The following STK4 variants were observed in gnomAD, a reference collection of about 807,000 sequenced individuals.
STK4 encodes the protein serine/threonine-protein kinase 4.
A neutral mutation model predicts 64.9 loss-of-function variants in STK4; 30 were observed. That is an observed-to-expected ratio of 0.46 (90% CI 0.35 to 0.63). The LOEUF (loss-of-function observed/expected upper bound fraction) is 0.63. Among genes scored for constraint, STK4 ranks in the 20% least tolerant of loss-of-function variants. The pLI is 0.01. For synonymous variants in STK4, 177 were observed against 199.0 expected (o/e 0.89, Z 0.93); for missense variants, 466 against 598.5 (o/e 0.78, Z 2.31).
intron 10 of STK4, among the ~76,000 whole-genome samples, chr20:45,053,635 GT>G (rs1321645980): frequency 6.6e-6 from 1 of 152,148 alleles, no homozygotes; most frequent in East Asian, 1.9e-4. Flanking sequence ...GTAAGCACAG[GT>G]GACAGATGGG....
chr20:45,040,633 CT>C (rs11476443), intron 10 of STK4, among the ~76,000 whole-genome samples: 37,097 of 142,372 alleles, frequency 0.26, 5,116 homozygotes, highest in Middle Eastern at 0.44. Context: ...GGAAACAGAC[CT>C]TTTTTTTTTT....
chr20:45,007,528 C>T (rs1332583055), intron 9 of STK4, among the ~76,000 whole-genome samples: 1 of 151,216 alleles, frequency 6.6e-6, no homozygotes, highest in Non-Finnish European at 1.5e-5. Flanking sequence ...GCCCGGGTGA[C>T]AGAGCGAGAC....
chr20:44,997,522 AC>A (rs1795152959), intron 7 of STK4, among the ~76,000 whole-genome samples: 1 of 152,170 alleles, frequency 6.6e-6, no homozygotes, highest in Non-Finnish European at 1.5e-5. Context: ...CCATGTCTCT[AC>A]AAAAAGAATG....
In STK4 at chr20:44,978,703, T is replaced by C. The variant is rs527956519; in HGVS notation, c.245+132T>C. Reference sequence around the variant, plus strand: ...GAGAATTCGATGGAATCACTGTGCATTTTCTTTTCAGAAAAAAATATGATG... The same window carrying C: ...GAGAATTCGATGGAATCACTGTGCACTTTCTTTTCAGAAAAAAATATGATG... On this transcript the variant is annotated intron_variant, in intron 3 of 10. Transcript: ENST00000372806. 4.7e-6 allele frequency: 5 copies of C among 1,063,644 alleles called. No individual in the cohort carries two copies. In the African/African-American group the frequency reaches 8.2e-5, roughly 17 times the overall value. 65.9% of individuals were successfully genotyped at this position (1,063,644 alleles called of 1,614,324 possible).
intron 5 of STK4, among the ~76,000 whole-genome samples, chr20:44,988,372 G>A (rs929655213): frequency 2.6e-4 from 40 of 151,202 alleles, no homozygotes; most frequent in Non-Finnish European, 4.6e-4. Context: ...AACATTAGCC[G>A]GACATGGTAG....
chr20:45,073,734 C>T (rs181761536), intron 10 of STK4, among the ~76,000 whole-genome samples: 1 of 152,310 alleles, frequency 6.6e-6, no homozygotes, highest in Non-Finnish European at 1.5e-5. Flanking sequence ...ACTGAACACA[C>T]ATGGCAGCAG....
At chr20:44,981,012 A>G (rs1310677353) in intron 3 of STK4, among the ~76,000 whole-genome samples, 2 of 151,834 alleles carry the variant, frequency 1.3e-5, no homozygotes, top group South Asian at 4.2e-4. Context: ...TATTCTTCCA[A>G]ATCACTTTGG....
intron 9 of STK4, among the ~76,000 whole-genome samples, chr20:45,016,674 C>G (rs1428984065): frequency 1.3e-5 from 2 of 152,230 alleles, no homozygotes; most frequent in African/African-American, 4.8e-5. Context: ...TATGAAAGTA[C>G]CAGATCTCAG....
intron 9 of STK4, among the ~76,000 whole-genome samples, chr20:45,002,033 C>T (rs1794409310): frequency 6.6e-6 from 1 of 152,174 alleles, no homozygotes; most frequent in South Asian, 2.1e-4. Flanking sequence ...AAATTATCAA[C>T]TAAATGCCAT....
intron 9 of STK4, among the ~76,000 whole-genome samples, chr20:45,008,018 G>C (rs1457758012): frequency 6.6e-6 from 1 of 152,176 alleles, no homozygotes; most frequent in African/African-American, 2.4e-5. Context: ...AGTTTGCTTA[G>C]AATTATGGCC....
intron 10 of STK4, among the ~76,000 whole-genome samples, chr20:45,035,024 A>T (rs1026413375): frequency 1.3e-5 from 2 of 152,126 alleles, no homozygotes; most frequent in African/African-American, 4.8e-5. Flanking sequence ...AATTTTTAAA[A>T]ATATATACAC....
chr20:45,004,755 CTTTTTTTTTTTCTTTTTTCTTT>C (rs2067905250), intron 9 of STK4, among the ~76,000 whole-genome samples: 1 of 143,114 alleles, frequency 7.0e-6, no homozygotes, highest in South Asian at 2.2e-4. Context: ...TTTTTTTCTC[CTTTTTTTTTTTCTTTTTTCTTT>C]TTTTTTTTTG....
At chr20:45,023,086 T>A (rs1159052599) in intron 9 of STK4, among the ~76,000 whole-genome samples, 1 of 152,248 alleles carries the variant, frequency 6.6e-6, no homozygotes, top group Non-Finnish European at 1.5e-5. Context: ...TTTTTATTTC[T>A]TGGGACCGTG....
intron 10 of STK4, among the ~76,000 whole-genome samples, chr20:45,067,880 T>G (rs1365557858): frequency 3.3e-5 from 5 of 152,200 alleles, no homozygotes; most frequent in Non-Finnish European, 7.3e-5. Flanking sequence ...GGGTATGATT[T>G]AGGGTTTCTC....
At position 45,079,486 on chromosome 20, in the gene STK4, C is replaced by T. The variant is rs935266247; in HGVS notation, c.*4310C>T. 3.9e-5 allele frequency: 6 copies of T among 152,372 alleles called. No individual in the cohort carries two copies. Among genetic ancestry groups the T allele is most frequent in the Non-Finnish European group, 7.4e-5 (5 of 68,024 alleles). 9.4% of individuals were successfully genotyped at this position (152,372 alleles called of 1,614,324 possible). A position where few individuals can be genotyped will look rare whatever the true frequency, so the allele number is the denominator to read the frequency against. ...TTATTTACTAGAAAATTGTTCCTGCCCAATCTACATCTCCACCTCACCCCA... is the reference window on the plus strand; with the variant it reads ...TTATTTACTAGAAAATTGTTCCTGCTCAATCTACATCTCCACCTCACCCCA... On this transcript the variant is annotated 3_prime_UTR_variant, in exon 11 of 11. Coordinates refer to ENST00000372806, the MANE Select transcript of STK4 (RefSeq NM_006282.5).
chr20:44,988,533 G>GTGTGTGTATATATATATATA (rs1221720136), intron 5 of STK4, among the ~76,000 whole-genome samples: 1 of 101,578 alleles, frequency 9.8e-6, no homozygotes, highest in African/African-American at 4.8e-5. Flanking sequence ...ATGTGTGTGT[G>GTGTGTGTATATATATATATA]TATATATATA....
intron 9 of STK4, among the ~76,000 whole-genome samples, chr20:45,011,731 T>TATATATATATATATATATATATA (rs1428985946): frequency 9.5e-4 from 77 of 81,110 alleles, no homozygotes; most frequent in Non-Finnish European, 1.2e-3. Context: ...ATATATATAT[T>TATATATATATATATATATATATA]TTTTTTTTTT....
Position 44,969,995 on chromosome 20 carries a change from G to T in STK4, c.36-2083G>T, listed in dbSNP as rs538547796. Among the ~76,000 whole-genome samples the T allele has an allele frequency of 2.6e-5, 4 of 151,950 alleles. No homozygotes were observed. The East Asian group carries it at 7.7e-4, about 29-fold the overall frequency. ...TGAATCCATTTCACAAATATATTTTGACCACCTCTTGGTTATCAGGCACCA... is the reference window on the plus strand; with the variant it reads ...TGAATCCATTTCACAAATATATTTTTACCACCTCTTGGTTATCAGGCACCA... On this transcript the variant is annotated intron_variant, in intron 1 of 10. Transcript: ENST00000372806.
At chr20:45,059,382 CA>C (rs1258899800) in intron 10 of STK4, among the ~76,000 whole-genome samples, 1 of 152,130 alleles carries the variant, frequency 6.6e-6, no homozygotes, top group Non-Finnish European at 1.5e-5. Flanking sequence ...GAATTGCCAG[CA>C]TCACTACTCT....
Sources: gnomAD v4.1 joint callset for allele counts (sites outside exome capture counted in the v4.1 genomes callset) on GRCh38, gnomAD v4.1.1 for gene constraint, MANE v1.5 for transcripts, NCBI Gene and HGNC (gene_info 2026-07-23, HGNC 2026-07-21) for gene names.